Variants in MACROD2 observed in about 807,000 individuals in gnomAD.
MACROD2 encodes ADP-ribose glycohydrolase MACROD2.
MACROD2 carries 36 observed loss-of-function variants against 70.4 expected under a neutral mutation model. That is an observed-to-expected ratio of 0.51 (90% CI 0.39 to 0.68). MACROD2 has a LOEUF of 0.68. MACROD2 is among the 30% of genes least tolerant of loss of function. MACROD2 has a pLI of 0.00. For missense variants in MACROD2, 496 were observed against 538.4 expected (o/e 0.92, Z 0.78); for synonymous variants, 172 against 178.8 (o/e 0.96, Z 0.30).
intron 5 of MACROD2, among the ~76,000 whole-genome samples, chr20:14,982,772 C>G (rs1372925746): frequency 1.3e-5 from 2 of 152,196 alleles, no homozygotes; most frequent in African/African-American, 4.8e-5. Flanking sequence ...GGGGTGGGGT[C>G]CTCACAGAGA....
chr20:14,695,033 G>A (rs1216009813), intron 5 of MACROD2, among the ~76,000 whole-genome samples: 8 of 151,756 alleles, frequency 5.3e-5, no homozygotes, highest in African/African-American at 1.9e-4. Context: ...AAAAGACTGT[G>A]GTTTCCCTCT....
chr20:14,881,940 C>G (rs897786051), intron 5 of MACROD2, among the ~76,000 whole-genome samples: 1 of 152,168 alleles, frequency 6.6e-6, no homozygotes, highest in African/African-American at 2.4e-5. Flanking sequence ...TATGGGCCAA[C>G]ATTTGCATAT....
At chr20:15,681,628 G>A (rs1451985245) in intron 8 of MACROD2, among the ~76,000 whole-genome samples, 1 of 152,196 alleles carries the variant, frequency 6.6e-6, no homozygotes, top group East Asian at 1.9e-4. Context: ...TAGAGCTGGG[G>A]AGATAGAATG....
At chr20:15,531,360 C>A (rs956070833) in intron 8 of MACROD2, among the ~76,000 whole-genome samples, 12 of 151,546 alleles carry the variant, frequency 7.9e-5, no homozygotes, top group Non-Finnish European at 1.6e-4. Flanking sequence ...TTAATTTTCT[C>A]TTTATTAATA....
At chr20:14,601,204 G>A (rs150291371) in intron 4 of MACROD2, among the ~76,000 whole-genome samples, 2 of 152,158 alleles carry the variant, frequency 1.3e-5, no homozygotes, top group African/African-American at 2.4e-5. Flanking sequence ...TCTGGCACCC[G>A]GGACCGGTTT....
chr20:14,426,410 AT>A (rs563285920), intron 3 of MACROD2, among the ~76,000 whole-genome samples: 25 of 151,684 alleles, frequency 1.6e-4, no homozygotes, highest in Admixed American at 6.6e-4. Flanking sequence ...TTAATAATAG[AT>A]TTTTTTAAAG....
chr20:14,437,986 T>G (rs2084077869), intron 3 of MACROD2, among the ~76,000 whole-genome samples: 1 of 152,180 alleles, frequency 6.6e-6, no homozygotes, highest in Admixed American at 6.5e-5. Context: ...GCAAAAATCC[T>G]GAAAAAAATA....
intron 7 of MACROD2, among the ~76,000 whole-genome samples, chr20:15,456,413 G>GTTTGCTA (rs1294852277): frequency 2.6e-5 from 4 of 152,148 alleles, no homozygotes; most frequent in African/African-American, 9.7e-5. Context: ...TCCCTTTGCT[G>GTTTGCTA]TTTGCTATTT....
intron 8 of MACROD2, among the ~76,000 whole-genome samples, chr20:15,830,151 C>A (rs2064039202): frequency 6.6e-6 from 1 of 152,122 alleles, no homozygotes; most frequent in Admixed American, 6.6e-5. Flanking sequence ...CCACAGTGGA[C>A]AACATAGGTG....
At position 14,751,406 on chromosome 20, in the gene MACROD2, T is replaced by G. The variant is rs918404828; in HGVS notation, c.418+66447T>G. ...TGTAACTTCCCTCAAATCCATGTGC[T>G]TCTTCCATTACTCTGTCTCTTTTCT... On this transcript the variant is annotated intron_variant, in intron 5 of 17. Coordinates refer to ENST00000684519, the MANE Select transcript of MACROD2 (RefSeq NM_001351661.2). Among the ~76,000 whole-genome samples the G allele has an allele frequency of 2.0e-5, 3 of 152,308 alleles. 1 individual carries two copies.
chr20:15,882,262 A>G (rs1361146781), intron 9 of MACROD2, among the ~76,000 whole-genome samples: 1 of 152,118 alleles, frequency 6.6e-6, no homozygotes, highest in Non-Finnish European at 1.5e-5. Context: ...ACAGAAGCTT[A>G]TCTCTTCTTC....
rs1029608094 is a variant in MACROD2 at position 15,062,814 on chromosome 20, G to A, written c.419-167126G>A. Among the ~76,000 whole-genome samples the A allele has an allele frequency of 7.2e-5, 11 of 152,224 alleles. No individual in the cohort carries two copies. The East Asian group carries it at 1.6e-3, about 21-fold the overall frequency. ...CCGAATAGAACTTGGGACCAAGGAG[G>A]CCTGCAGAGTTTTGAAGCAGGTGAT... On this transcript the variant is annotated intron_variant, in intron 5 of 17. Coordinates refer to ENST00000684519, the MANE Select transcript of MACROD2 (RefSeq NM_001351661.2).
intron 5 of MACROD2, among the ~76,000 whole-genome samples, chr20:14,847,233 G>A (rs1568830414): frequency 6.6e-6 from 1 of 152,108 alleles, no homozygotes; most frequent in East Asian, 1.9e-4. Context: ...ACTCTAATGA[G>A]TTTAGGAACG....
At chr20:15,537,604 G>A (rs1600554476) in intron 8 of MACROD2, among the ~76,000 whole-genome samples, 1 of 150,596 alleles carries the variant, frequency 6.6e-6, no homozygotes, top group East Asian at 2.0e-4. Flanking sequence ...CTCCCAAATA[G>A]CAGGGACTAC....
At chr20:14,967,076 G>T (rs928117577) in intron 5 of MACROD2, among the ~76,000 whole-genome samples, 2 of 152,212 alleles carry the variant, frequency 1.3e-5, no homozygotes, top group East Asian at 1.9e-4. Flanking sequence ...TCCTTGAAAA[G>T]AATGACATTG....
intron 3 of MACROD2, among the ~76,000 whole-genome samples, chr20:14,378,565 C>G (rs2083394112): frequency 2.0e-5 from 3 of 152,228 alleles, no homozygotes; most frequent in Admixed American, 2.0e-4. Flanking sequence ...AGAGCACTCT[C>G]TGATTAACCT....
chr20:14,923,079 C>G (rs1362883542), intron 5 of MACROD2, among the ~76,000 whole-genome samples: 3 of 152,172 alleles, frequency 2.0e-5, no homozygotes, highest in African/African-American at 4.8e-5. Context: ...TGCCAGCGGT[C>G]AATTCTCTCC....
rs1012109370 is a variant in MACROD2, at chr20:14,397,860, A to G, written c.272-95619A>G. Reference sequence around the variant, plus strand: ...CTTTTCTAGCTGTAATTTTATATCTATTAATAAAACTCTGTCTTCTCCTCC... The same window carrying G: ...CTTTTCTAGCTGTAATTTTATATCTGTTAATAAAACTCTGTCTTCTCCTCC... On this transcript the variant is annotated intron_variant, in intron 3 of 17. Transcript: ENST00000684519. 2.0e-5 allele frequency among the ~76,000 whole-genome samples: 3 copies of G among 152,180 alleles called. No individual in the cohort carries two copies. The East Asian group carries it at 5.8e-4, about 29-fold the overall frequency.
At chr20:14,633,019 G>A (rs1307912925) in intron 4 of MACROD2, among the ~76,000 whole-genome samples, 2 of 152,200 alleles carry the variant, frequency 1.3e-5, no homozygotes, top group East Asian at 1.9e-4. Context: ...AATCAGTGTC[G>A]CGGTGTGGAA....
Sources: allele counts gnomAD v4.1 joint callset (sites outside exome capture counted in the v4.1 genomes callset), GRCh38; gene constraint gnomAD v4.1.1; transcripts MANE v1.5; gene names NCBI Gene and HGNC (gene_info 2026-07-23, HGNC 2026-07-21).